The following PTCHD1 variants were observed in gnomAD, a reference collection of about 807,000 sequenced individuals.
The protein encoded by PTCHD1 is patched domain-containing protein 1.
Under a neutral mutation model 34.6 loss-of-function variants are expected in PTCHD1, and 3 were observed. The observed-to-expected ratio is 0.09, with a 90% CI of 0.04 to 0.22. The LOEUF (loss-of-function observed/expected upper bound fraction) is 0.22, where lower values mean the gene tolerates loss of function less well. PTCHD1 is among the 10% of genes least tolerant of loss of function. The pLI is 1.00. For missense variants in PTCHD1, 504 were observed against 685.5 expected, an observed-to-expected ratio of 0.74 and a Z score of 2.96; for synonymous variants, 305 against 283.1, an observed-to-expected ratio of 1.08 and a Z score of -0.77.
chrX:23,374,801 T>C (rs781287322), intron 1 of PTCHD1, among the ~76,000 whole-genome samples: 172 of 111,806 alleles, frequency 1.5e-3, no homozygotes, highest in African/African-American at 5.4e-3. Flanking sequence ...TTTGTGGATA[T>C]CACTCATCTT....
At chrX:23,372,714 C>T (rs1410376810) in intron 1 of PTCHD1, among the ~76,000 whole-genome samples, 1 of 111,800 alleles carries the variant, frequency 8.9e-6, no homozygotes, top group Non-Finnish European at 1.9e-5. Flanking sequence ...TGGGACTTTC[C>T]TTTGCCATTT....
chrX:23,348,444 C>T (rs1021357001), intron 1 of PTCHD1, among the ~76,000 whole-genome samples: 2 of 111,005 alleles, frequency 1.8e-5, no homozygotes, highest in African/African-American at 6.5e-5. Context: ...ATCCAGGTAG[C>T]TCAAAGAACA....
In PTCHD1 at chrX:23,400,309, C is replaced by T. The variant is rs1044630884; in HGVS notation, c.*6124C>T. 1 of 110,949 alleles carries T rather than the reference C, an allele frequency of 9.0e-6. No individual in the cohort carries two copies. The highest frequency in any genetic ancestry group is 3.3e-5 in the African/African-American group (1 of 30,433). The allele number at this position is 110,949 out of a possible 1,213,427, so 9.1% of individuals were successfully genotyped here. A position where few individuals can be genotyped will look rare whatever the true frequency, so the allele number is the denominator to read the frequency against. On this transcript the variant is annotated 3_prime_UTR_variant, in exon 3 of 3. Coordinates refer to ENST00000379361, the MANE Select transcript of PTCHD1 (RefSeq NM_173495.3). ...CATCCTGGCCAGCATGGTGAAACCCCGCCTCTACTAAAAAATACAAAAAAA... is the reference window on the plus strand; with the variant it reads ...CATCCTGGCCAGCATGGTGAAACCCTGCCTCTACTAAAAAATACAAAAAAA...
intron 2 of PTCHD1, among the ~76,000 whole-genome samples, chrX:23,385,689 T>C (rs1922670368): frequency 9.0e-6 from 1 of 111,688 alleles, no homozygotes; most frequent in South Asian, 3.7e-4. Context: ...AAGGCTACTT[T>C]ATTACTCAAG....
chrX:23,368,101 C>A (rs374758261), intron 1 of PTCHD1, among the ~76,000 whole-genome samples: 4 of 102,182 alleles, frequency 3.9e-5, no homozygotes, highest in African/African-American at 1.5e-4. Flanking sequence ...GAAATTCTTA[C>A]AATAGTCTCC....
intron 1 of PTCHD1, among the ~76,000 whole-genome samples, chrX:23,358,171 C>T (rs1402075209): frequency 8.9e-6 from 1 of 111,735 alleles, no homozygotes; most frequent in African/African-American, 3.3e-5. Context: ...TGGGTATATA[C>T]CCAGGAATGA....
intron 1 of PTCHD1, among the ~76,000 whole-genome samples, chrX:23,342,310 A>ATTT (rs1174366015): frequency 2.6e-3 from 33 of 12,891 alleles, no homozygotes; most frequent in East Asian, 0.015. Flanking sequence ...ATATATATAT[A>ATTT]TTTTTTTTTT....
intron 1 of PTCHD1, among the ~76,000 whole-genome samples, chrX:23,340,874 G>A (rs1261504131): frequency 8.9e-6 from 1 of 112,132 alleles, no homozygotes; most frequent in Non-Finnish European, 1.9e-5. Context: ...CAGCATTTGT[G>A]TATTTGCTGG....
At chrX:23,378,329 G>C in intron 1 of PTCHD1, among the ~76,000 whole-genome samples, 1 of 111,918 alleles carries the variant, frequency 8.9e-6, no homozygotes, top group Middle Eastern at 4.6e-3. Context: ...AAAGTGACTT[G>C]TTGAGAGAAT....
intron 2 of PTCHD1, among the ~76,000 whole-genome samples, chrX:23,383,713 C>T (rs913110319): frequency 8.9e-6 from 1 of 111,775 alleles, no homozygotes; most frequent in African/African-American, 3.2e-5. Flanking sequence ...CCAGATGAGT[C>T]ATATCAGTTT....
intron 1 of PTCHD1, among the ~76,000 whole-genome samples, chrX:23,357,619 G>A (rs1254049648): frequency 9.0e-6 from 1 of 110,829 alleles, no homozygotes; most frequent in African/African-American, 3.3e-5. Flanking sequence ...GAAGAAAAAT[G>A]GCCATGGTGG....
At chrX:23,387,759 G>C (rs941493898) in intron 2 of PTCHD1, among the ~76,000 whole-genome samples, 6 of 111,697 alleles carry the variant, frequency 5.4e-5, no homozygotes, top group East Asian at 2.8e-4. Context: ...ATGTGTGTGT[G>C]TATGTGTTTT....
intron 1 of PTCHD1, among the ~76,000 whole-genome samples, chrX:23,347,098 C>A (rs960636875): frequency 8.9e-6 from 1 of 111,843 alleles, no homozygotes; most frequent in Admixed American, 9.5e-5. Flanking sequence ...AGGTTCTTTC[C>A]CATTTCAGCC....
intron 2 of PTCHD1, among the ~76,000 whole-genome samples, chrX:23,381,231 C>A (rs1922556930): frequency 8.9e-6 from 1 of 112,112 alleles, no homozygotes; most frequent in Non-Finnish European, 1.9e-5. Flanking sequence ...CTGGAACTCC[C>A]TGATAGAGAT....
At chrX:23,342,265 C>CATATATATATATATATATATAT (rs1921328923) in intron 1 of PTCHD1, among the ~76,000 whole-genome samples, 2 of 57,493 alleles carry the variant, frequency 3.5e-5, no homozygotes, top group Non-Finnish European at 8.8e-5. Flanking sequence ...TGTGTTTCTC[C>CATATATATATATATATATATAT]CTATATATAT....
intron 2 of PTCHD1, among the ~76,000 whole-genome samples, chrX:23,381,657 G>A (rs964910100): frequency 8.9e-6 from 1 of 111,846 alleles, no homozygotes; most frequent in Non-Finnish European, 1.9e-5. Context: ...TTGAAACCTA[G>A]TCAATAAACA....
At chrX:23,390,341 A>AC (rs1280399091) in intron 2 of PTCHD1, among the ~76,000 whole-genome samples, 5 of 109,410 alleles carry the variant, frequency 4.6e-5, no homozygotes, top group African/African-American at 1.4e-4. Flanking sequence ...AAAAAAAAAA[A>AC]AAAACAAAAA....
At chrX:23,338,176 A>T (rs1264769019) in intron 1 of PTCHD1, among the ~76,000 whole-genome samples, 2 of 111,888 alleles carry the variant, frequency 1.8e-5, no homozygotes, top group Non-Finnish European at 3.8e-5. Context: ...CTACAGGGCA[A>T]CGATGCATTA....
chrX:23,402,554 G>T lies in PTCHD1; in HGVS notation c.*8369G>T, dbSNP rs1015530461. ...GAATCTATGTTTTTCTGAATAAAGAGACCCCATATTCTCTTTTGAATTATT... is the reference window on the plus strand; with the variant it reads ...GAATCTATGTTTTTCTGAATAAAGATACCCCATATTCTCTTTTGAATTATT... On this transcript the variant is annotated 3_prime_UTR_variant, in exon 3 of 3. Transcript: ENST00000379361. The T allele has an allele frequency of 1.8e-5, 2 of 111,875 alleles. No individual in the cohort carries two copies. Among genetic ancestry groups the T allele is most frequent in the African/African-American group, 3.2e-5 (1 of 30,775 alleles). The allele number at this position is 111,875 out of a possible 1,213,427, so 9.2% of individuals were successfully genotyped here. A position where few individuals can be genotyped will look rare whatever the true frequency, so the allele number is the denominator to read the frequency against.
Sources: allele counts gnomAD v4.1 joint callset (sites outside exome capture counted in the v4.1 genomes callset), GRCh38; gene constraint gnomAD v4.1.1; transcripts MANE v1.5; gene names NCBI Gene and HGNC (gene_info 2026-07-23, HGNC 2026-07-21).